Variants in MFN1 observed in about 807,000 individuals in gnomAD.
MFN1 encodes mitofusin 1, also known as mitofusin-1.
Under a neutral mutation model 92.4 loss-of-function variants are expected in MFN1, and 65 were observed. That is an observed-to-expected ratio of 0.70 (90% CI 0.58 to 0.86). The LOEUF is 0.86. MFN1 is among the 40% of genes least tolerant of loss of function. The pLI, the probability that MFN1 is intolerant of heterozygous loss-of-function variation, is 0.00. For synonymous variants in MFN1, 297 were observed against 300.9 expected, an observed-to-expected ratio of 0.99 and a Z score of 0.13; for missense variants, 781 against 868.0, an observed-to-expected ratio of 0.90 and a Z score of 1.26.
intron 14 of MFN1, among the ~76,000 whole-genome samples, chr3:179,382,620 AG>A (rs906414800): frequency 6.6e-6 from 1 of 152,168 alleles, no homozygotes; most frequent in African/African-American, 2.4e-5. Flanking sequence ...TAGTATTTCT[AG>A]TTCTAGATCC....
chr3:179,387,584 CTTTTTTTTTT>C (rs769878779), intron 16 of MFN1, among the ~76,000 whole-genome samples: 236 of 82,292 alleles, frequency 2.9e-3, no homozygotes, highest in African/African-American at 0.011. Context: ...TTTGTGGTTT[CTTTTTTTTTT>C]TTTTTTTTTT....
At chr3:179,365,570 A>G (rs893331959) in intron 7 of MFN1, among the ~76,000 whole-genome samples, 2 of 152,190 alleles carry the variant, frequency 1.3e-5, no homozygotes, top group African/African-American at 2.4e-5. Context: ...TGCCTGGCCA[A>G]ATTTTACAAA....
At chr3:179,386,319 A>G in intron 15 of MFN1, 114 bp from the exon 16 acceptor site, 9 of 809,900 alleles carry the variant, frequency 1.1e-5, no homozygotes, top group Non-Finnish European at 1.7e-5. Flanking sequence ...AGGAATATAC[A>G]TTTTTAGAAA....
In MFN1 at chr3:179,392,046, A is replaced by G. The variant is rs374829155; in HGVS notation, c.2213A>G (p.Asn738Ser). 1.2e-6 allele frequency: 2 copies of G among 1,608,938 alleles called. No individual in the cohort carries two copies. Among genetic ancestry groups the G allele is most frequent in the African/African-American group, 1.3e-5 (1 of 74,804 alleles). ...ACTAAGCAGTTTCTACCTTCAAGCA[A>G]TGAAGAATCCTAACAATAGAGATTG... The part of the protein sequence containing the change: ...NFTKQFLPSS[N>S]EES Residue 738 changes from asparagine to serine, a missense_variant, in exon 18 of 18, where the codon AAT becomes AGT. Physicochemically the swap from Asn to Ser is conservative, Grantham distance 46. Coordinates refer to ENST00000471841, the MANE Select transcript of MFN1 (RefSeq NM_033540.3).
intron 4 of MFN1, among the ~76,000 whole-genome samples, chr3:179,360,447 A>G (rs1296877915): frequency 6.6e-6 from 1 of 152,086 alleles, no homozygotes; most frequent in African/African-American, 2.4e-5. Flanking sequence ...AGGATTATGT[A>G]GTAAGTATAT....
At chr3:179,364,468 C>T in intron 6 of MFN1, 63 bp downstream of exon 6, 1 of 1,287,612 alleles carries the variant, frequency 7.8e-7, no homozygotes, top group Non-Finnish European at 1.1e-6. Context: ...TGTTTTAATT[C>T]TGAAAAGCAA....
chr3:179,355,958 G>GA (rs1189093634), intron 3 of MFN1, among the ~76,000 whole-genome samples: 79 of 149,118 alleles, frequency 5.3e-4, no homozygotes, highest in Non-Finnish European at 8.8e-4. Flanking sequence ...TCTCAAACAA[G>GA]AAAAAAAAAT....
Position 179,377,110 on chromosome 3 carries a change from T to G in MFN1, c.1166T>G (p.Leu389Arg). 6.2e-7 allele frequency: 1 copy of G among 1,613,772 alleles called. No homozygotes were observed. The change falls in exon 11 of 18, where the codon CTT becomes CGT. Residue 389 changes from leucine (L) to arginine (R), a missense_variant. Leu to Arg is a moderately radical substitution (Grantham distance 102). Transcript: ENST00000471841. ...RLDFIRNQMN[L>R]LTLDVKKKIK... ...GACTTTATTCGAAACCAGATGAACC[T>G]TTTAACACTGGATGTTAAGAAAAAA...
intron 3 of MFN1, among the ~76,000 whole-genome samples, chr3:179,358,080 G>A (rs1712412797): frequency 6.6e-6 from 1 of 151,200 alleles, no homozygotes; most frequent in South Asian, 2.1e-4. Flanking sequence ...ATATTCCAGG[G>A]AACAAGATAG....
At chr3:179,356,357 G>A (rs1284301363) in intron 3 of MFN1, among the ~76,000 whole-genome samples, 2 of 152,172 alleles carry the variant, frequency 1.3e-5, no homozygotes, top group African/African-American at 4.8e-5. Flanking sequence ...CTGGGAGAGT[G>A]GCATGCTGAG....
chr3:179,391,077 G>C (rs1261022691), intron 17 of MFN1, among the ~76,000 whole-genome samples: 2 of 152,150 alleles, frequency 1.3e-5, no homozygotes, highest in Non-Finnish European at 2.9e-5. Context: ...TTTTAAGTCA[G>C]CTCATCCCAT....
At chr3:179,362,506 T>A in intron 5 of MFN1, 24 bp downstream of exon 5, 1 of 1,606,248 alleles carries the variant, frequency 6.2e-7, no homozygotes. Flanking sequence ...TGGATTGCAT[T>A]TTCTCTGGAA....
intron 15 of MFN1, 150 bp downstream of exon 15, chr3:179,385,871 A>G: frequency 1.4e-6 from 1 of 729,944 alleles, no homozygotes; most frequent in Non-Finnish European, 2.1e-6. Flanking sequence ...AGTGAATTAA[A>G]TATCACAAGT....
intron 2 of MFN1, among the ~76,000 whole-genome samples, chr3:179,349,800 C>G (rs994799926): frequency 3.9e-5 from 6 of 151,932 alleles, no homozygotes; most frequent in East Asian, 1.9e-4. Context: ...AGCCACCACA[C>G]CCGGCCAGGA....
Position 179,378,618 on chromosome 3 carries a change from A to T in MFN1, c.1466A>T (p.Gln489Leu). The T allele has an allele frequency of 6.2e-7, 1 of 1,613,010 alleles. No individual in the cohort carries two copies. The highest frequency in any genetic ancestry group is 8.5e-7 in the Non-Finnish European group (1 of 1,179,384). Residue 489 changes from glutamine (Q) to leucine (L), a missense_variant, in exon 14 of 18, where the codon CAG becomes CTG. Physicochemically the swap from Gln to Leu is moderately radical, Grantham distance 113. Coordinates refer to ENST00000471841, the MANE Select transcript of MFN1 (RefSeq NM_033540.3). ...NLKPLLPAGI[Q>L]DKLHTLIPCK... ...AAGCCATTACTTCCAGCTGGTATACAGGATAAACTACATACACTGATCCCT... is the reference window on the plus strand; with the variant it reads ...AAGCCATTACTTCCAGCTGGTATACTGGATAAACTACATACACTGATCCCT...
intron 16 of MFN1, among the ~76,000 whole-genome samples, chr3:179,387,320 C>T (rs972061228): frequency 5.9e-5 from 9 of 152,098 alleles, no homozygotes; most frequent in South Asian, 2.1e-4. Context: ...CTGAGGCAGG[C>T]GGATCACTTG....
intron 17 of MFN1, among the ~76,000 whole-genome samples, chr3:179,391,384 A>C (rs990719743): frequency 1.3e-5 from 2 of 152,092 alleles, no homozygotes; most frequent in Non-Finnish European, 2.9e-5. Context: ...TAATATTTGG[A>C]ATTTCCATTT....
At chr3:179,364,176 C>T in intron 5 of MFN1, 121 bp from the exon 6 acceptor site, 1 of 585,138 alleles carries the variant, frequency 1.7e-6, no homozygotes, top group Non-Finnish European at 2.9e-6. Flanking sequence ...AGACTTCTTA[C>T]AGATGACAGC....
At chr3:179,360,158 C>T (rs1712519029) in intron 4 of MFN1, among the ~76,000 whole-genome samples, 1 of 152,208 alleles carries the variant, frequency 6.6e-6, no homozygotes, top group Non-Finnish European at 1.5e-5. Context: ...TCAGGTGATC[C>T]ACCTGCCTTG....
Sources: gnomAD v4.1 joint callset for allele counts (sites outside exome capture counted in the v4.1 genomes callset) on GRCh38, gnomAD v4.1.1 for gene constraint, MANE v1.5 for transcripts, NCBI Gene and HGNC (gene_info 2026-07-23, HGNC 2026-07-21) for gene names.